Variants in MCF2L observed in about 807,000 individuals in gnomAD.
MCF2L encodes the protein guanine nucleotide exchange factor DBS.
MCF2L carries 97 observed loss-of-function variants against 153.4 expected under a neutral mutation model. The ratio of observed to expected loss-of-function variants is 0.63; its 90% CI spans 0.54 to 0.75. The LOEUF is 0.75. Ranked by LOEUF, MCF2L falls within the 30% of genes least tolerant of loss-of-function variation. The pLI, the probability that MCF2L is intolerant of heterozygous loss-of-function variation, is 0.00. For synonymous variants in MCF2L, 659 were observed against 632.2 expected (o/e 1.04, Z -0.64); for missense variants, 1,347 against 1,495.2 (o/e 0.90, Z 1.64).
At position 113,088,329 on chromosome 13, in the gene MCF2L, G is replaced by A. The variant is rs759830347; in HGVS notation, c.2691G>A (p.Ala897=). The part of the protein sequence containing the change: ...NAREEVYIVQ[A]PTPEIKAAWV... ...TGGCGTTTCTTTTGGGGAAACAGGC[G>A]CCAACTCCTGAGATTAAAGCCGCGT... Residue 897 remains alanine, a splice_region_variant and synonymous_variant, in exon 24 of 30, where the codon GCG becomes GCA. Transcript: ENST00000535094. 32 of 1,613,784 alleles carry A rather than the reference G, an allele frequency of 2.0e-5. No homozygotes were observed. Among genetic ancestry groups the A allele is most frequent in the South Asian group, 3.3e-5 (3 of 91,084 alleles).
intron 1 of MCF2L, among the ~76,000 whole-genome samples, chr13:112,990,146 G>A (rs1285856597): frequency 1.3e-5 from 2 of 152,204 alleles, no homozygotes; most frequent in African/African-American, 4.8e-5. Flanking sequence ...GTGGCTCGGG[G>A]CTTGCAGACC....
intron 2 of MCF2L, among the ~76,000 whole-genome samples, chr13:112,940,997 C>G (rs934884548): frequency 6.6e-6 from 1 of 152,194 alleles, no homozygotes; most frequent in Non-Finnish European, 1.5e-5. Flanking sequence ...GAGCATGAAG[C>G]CCAGAGTGAG....
At chr13:113,012,382 A>G (rs373978416) in intron 1 of MCF2L, among the ~76,000 whole-genome samples, 152 of 76,928 alleles carry the variant, frequency 2.0e-3, no homozygotes, top group Middle Eastern at 0.013. Flanking sequence ...GTGGACAGGC[A>G]GTGTGGACGG....
rs1293745589 is a variant in MCF2L, at chr13:113,075,165, G to A, written c.1284G>A (p.Leu428=). ...GGAGGGGGCTGCTCAGCAAGTCCCT[G>A]GAGCTGCACCGCCGCCTGGAGACGG... ...ARRRGLLSKS[L]ELHRRLETSM... Residue 428 remains leucine, a synonymous_variant, in exon 11 of 30, where the codon CTG becomes CTA. Transcript: ENST00000535094. 1 of 1,601,748 alleles carries A rather than the reference G, an allele frequency of 6.2e-7. No individual in the cohort carries two copies. Among genetic ancestry groups the A allele is most frequent in the Non-Finnish European group, 8.5e-7 (1 of 1,171,248 alleles).
intron 2 of MCF2L, among the ~76,000 whole-genome samples, chr13:113,016,953 G>A (rs1594674266): frequency 6.6e-6 from 1 of 152,352 alleles, no homozygotes; most frequent in Admixed American, 6.5e-5. Context: ...TCAGAGCCAT[G>A]TACTGAGGGC....
In MCF2L at chr13:113,031,999, C is replaced by G. The variant is rs1044358002; in HGVS notation, c.278+7241C>G. Among the ~76,000 whole-genome samples, 4 of 152,226 alleles carry G rather than the reference C, an allele frequency of 2.6e-5. No homozygotes were observed. Among genetic ancestry groups the G allele is most frequent in the Non-Finnish European group, 4.4e-5 (3 of 68,042 alleles). On this transcript the variant is annotated intron_variant, in intron 3 of 29. Coordinates refer to ENST00000535094, the MANE Select transcript of MCF2L (RefSeq NM_001112732.3). This position sits in a 1 kb window ranked among gnomAD's most constrained non-coding sequence, Gnocchi z 5.5. ...ATGCAAGTGCATGCATACCCCCCCA[C>G]AGACCTGCACATGTACACACCACAT...
rs780689153 is a variant in MCF2L, at chr13:113,054,556, C to T, written c.370-6037C>T. ...TTCAAATGCATATTTTTTATATAAA[C>T]TTGTGTTTACTGTTTGGCTACTGTC... On this transcript the variant is annotated intron_variant, in intron 4 of 29. Transcript: ENST00000535094. This position sits in a 1 kb window ranked among gnomAD's most constrained non-coding sequence, Gnocchi z 5.2. 3 of 153,762 alleles carry T rather than the reference C, an allele frequency of 2.0e-5. No homozygotes were observed. Among genetic ancestry groups the T allele is most frequent in the Non-Finnish European group, 2.9e-5 (2 of 68,032 alleles). The allele number at this position is 153,762 out of a possible 1,614,324, so 9.5% of individuals were successfully genotyped here.
intron 5 of MCF2L, among the ~76,000 whole-genome samples, chr13:113,061,258 C>T (rs1216243460): frequency 1.3e-5 from 2 of 152,290 alleles, no homozygotes; most frequent in Non-Finnish European, 2.9e-5. Context: ...CAGCATCTCC[C>T]AACACTGCCC....
Position 113,024,660 on chromosome 13 carries a change from C to T in MCF2L, c.180C>T (p.Asp60=), listed in dbSNP as rs367962855. The change falls in exon 3 of 30, where the codon GAC becomes GAT. Residue 60 remains aspartate, a synonymous_variant. Transcript: ENST00000535094. ...TCTCCCCAGGTGGGCGGGGGCAGGA[C>T]GGAAGCCCGGTTATCACCTTCCCTG... is the stretch of plus-strand genomic sequence containing the variant. ...FAYLSGGRGQ[D]GSPVITFPDY... is the part of the protein sequence containing the mutation. The T allele has an allele frequency of 9.9e-5, 160 of 1,613,714 alleles. No individual in the cohort carries two copies. Among genetic ancestry groups the T allele is most frequent in the Non-Finnish European group, 1.3e-4 (151 of 1,179,820 alleles).
intron 1 of MCF2L, among the ~76,000 whole-genome samples, chr13:112,991,364 TG>T (rs1226367648): frequency 6.6e-6 from 1 of 150,802 alleles, no homozygotes; most frequent in Non-Finnish European, 1.5e-5. Context: ...CGCTGTGTTT[TG>T]GGGGGCATCT....
At chr13:112,933,192 C>G (rs906302021) in intron 2 of MCF2L, among the ~76,000 whole-genome samples, 1 of 152,186 alleles carries the variant, frequency 6.6e-6, no homozygotes, top group South Asian at 2.1e-4. Flanking sequence ...GGGGTTGGCT[C>G]CAGTTGTGTG....
At chr13:113,092,746 C>T (rs1431212601) in intron 26 of MCF2L, among the ~76,000 whole-genome samples, 9 of 152,224 alleles carry the variant, frequency 5.9e-5, no homozygotes, top group African/African-American at 2.2e-4. Flanking sequence ...CAGGCACTGC[C>T]GTTCCCATCA....
In MCF2L at chr13:112,897,680, C is replaced by T. The variant is rs375395737; in HGVS notation, c.-5+3249C>T. Among the ~76,000 whole-genome samples, 166 of 152,324 alleles carry T rather than the reference C, an allele frequency of 1.1e-3. 2 individuals carry two copies. The highest frequency in any genetic ancestry group is 3.5e-3 in the African/African-American group (146 of 41,572). On this transcript the variant is annotated intron_variant, in intron 1 of 29. Transcript: ENST00000375608. ...TGCTGTGGAGACCGGAGAGGGTAAC[C>T]GTGTTTTCTTCGCAGTCACCATCTT... is the stretch of plus-strand genomic sequence containing the variant.
intron 2 of MCF2L, among the ~76,000 whole-genome samples, chr13:112,905,465 T>G (rs928869475): frequency 2.0e-5 from 3 of 152,168 alleles, no homozygotes; most frequent in African/African-American, 7.2e-5. Context: ...CGAAGTTTGT[T>G]TACCGTAACT....
Position 113,074,150 on chromosome 13 carries a change from C to A in MCF2L, c.997-294C>A, listed in dbSNP as rs762268812. On this transcript the variant is annotated intron_variant, in intron 9 of 29. Coordinates refer to ENST00000535094, the MANE Select transcript of MCF2L (RefSeq NM_001112732.3). The surrounding 1 kb of genome is among the most constrained non-coding windows in gnomAD (Gnocchi z 4.2). Reference sequence around the variant, plus strand: ...TGCGTGATCTCATCTTCTCCTCATGCTGTTTTCAGGCGTGTGGTTGATAAA... The same window carrying A: ...TGCGTGATCTCATCTTCTCCTCATGATGTTTTCAGGCGTGTGGTTGATAAA... 6.6e-6 allele frequency among the ~76,000 whole-genome samples: 1 copy of A among 152,236 alleles called. No individual in the cohort carries two copies. The highest frequency in any genetic ancestry group is 2.4e-5 in the African/African-American group (1 of 41,526).
intron 23 of MCF2L, 49 bp from the exon 24 acceptor site, chr13:113,088,278 C>T: frequency 6.8e-7 from 1 of 1,466,530 alleles, no homozygotes; most frequent in Non-Finnish European, 9.6e-7. Context: ...AAGCGTGTTT[C>T]CTCGGGGGCC....
upstream of MCF2L, chr13:112,968,139 AGGTGGGGGGGGG>A (rs1717310784): frequency 2.0e-5 from 1 of 50,416 alleles, no homozygotes; most frequent in African/African-American, 2.4e-4. Flanking sequence ...TTGGGGAGTG[AGGTGGGGGGGGG>A]GGTCTTGCTA....
intron 1 of MCF2L, among the ~76,000 whole-genome samples, chr13:112,899,346 A>T (rs1036367608): frequency 3.3e-5 from 5 of 152,158 alleles, no homozygotes; most frequent in African/African-American, 1.2e-4. Flanking sequence ...CCCAGGGGAA[A>T]GCAGACGCTC....
At chr13:112,950,079 T>C (rs1566656420) in intron 2 of MCF2L, among the ~76,000 whole-genome samples, 1 of 151,382 alleles carries the variant, frequency 6.6e-6, no homozygotes, top group African/African-American at 2.4e-5. Context: ...GAAAAGTCAA[T>C]TGTCTTTCTT....
Sources: allele counts gnomAD v4.1 joint callset (sites outside exome capture counted in the v4.1 genomes callset), GRCh38; gene constraint gnomAD v4.1.1; non-coding constraint Gnocchi (gnomAD v3.1); transcripts MANE v1.5; gene names NCBI Gene and HGNC (gene_info 2026-07-23, HGNC 2026-07-21).